C2orf49: variants seen among roughly 807,000 people sequenced by gnomAD.
The protein encoded by C2orf49 is tRNA splicing ligase complex subunit 2.
In C2orf49, 11 loss-of-function variants were observed where a neutral mutation model predicts 20.6. The observed-to-expected ratio is 0.53, with a 90% CI of 0.34 to 0.88. The LOEUF (loss-of-function observed/expected upper bound fraction) is 0.88, where lower values mean the gene tolerates loss of function less well. Among genes scored for constraint, C2orf49 ranks in the 40% least tolerant of loss-of-function variants. The pLI, the probability that C2orf49 is intolerant of heterozygous loss-of-function variation, is 0.02. For missense variants in C2orf49, 289 were observed against 274.2 expected (o/e 1.05, Z -0.38); for synonymous variants, 134 against 108.5 (o/e 1.24, Z -1.46).
chr2:105,346,907 T>C lies in C2orf49; in HGVS notation c.*1536T>C, dbSNP rs1160304155. ...CTAGTTTCTACTGTTCTGCTATGTG[T>C]TTCTAAGCAAGAGCAAAGGATACTT... is the stretch of plus-strand genomic sequence containing the variant. On this transcript the variant is annotated 3_prime_UTR_variant, in exon 4 of 4. Coordinates refer to ENST00000258457, the MANE Select transcript of C2orf49 (RefSeq NM_024093.3). 6.6e-6 allele frequency: 1 copy of C among 152,246 alleles called. No individual in the cohort carries two copies. Among genetic ancestry groups the C allele is most frequent in the Non-Finnish European group, 1.5e-5 (1 of 68,036 alleles). 9.4% of individuals were successfully genotyped at this position (152,246 alleles called of 1,614,324 possible).
At chr2:105,367,816 C>G in the C2orf49 span, 1 of 1,448,592 alleles carries the variant, frequency 6.9e-7, no homozygotes, top group Non-Finnish European at 9.4e-7. Flanking sequence ...GCCTTCAGAG[C>G]TTGCTGCCCT....
In C2orf49 at chr2:105,345,524, CCTT is replaced by C. The variant is rs1374198957; in HGVS notation, c.*158_*160del. 2.7e-5 allele frequency: 18 copies of C among 655,984 alleles called. No homozygotes were observed. The East Asian group carries it at 3.9e-4, about 14-fold the overall frequency. 40.6% of individuals were successfully genotyped at this position (655,984 alleles called of 1,614,324 possible). A position where few individuals can be genotyped will look rare whatever the true frequency, so the allele number is the denominator to read the frequency against. On this transcript the variant is annotated 3_prime_UTR_variant, in exon 4 of 4. Coordinates refer to ENST00000258457, the MANE Select transcript of C2orf49 (RefSeq NM_024093.3). ...AAAAATAAAGGATTTATTTTCCTTC[CCTT>C]CTTCCCTCCCTCCCTTCCTTTTTTA... is the stretch of plus-strand genomic sequence containing the variant.
In C2orf49 at chr2:105,339,485, G is replaced by T; in HGVS notation, c.100-98G>T. ...TTGTGAAAATGGCTTTTTATAATTT[G>T]TTATTTAAGCAGTAATGTTTTACCA... On this transcript the variant is annotated intron_variant, in intron 1 of 3. Coordinates refer to ENST00000258457, the MANE Select transcript of C2orf49 (RefSeq NM_024093.3). 3 of 1,171,882 alleles carry T rather than the reference G, an allele frequency of 2.6e-6. No individual in the cohort carries two copies. In the South Asian group the frequency reaches 4.4e-5, roughly 17 times the overall value. 72.6% of individuals were successfully genotyped at this position (1,171,882 alleles called of 1,614,324 possible). A position where few individuals can be genotyped will look rare whatever the true frequency, so the allele number is the denominator to read the frequency against.
the C2orf49 span, chr2:105,378,612 T>C: frequency 6.3e-6 from 1 of 159,820 alleles, no homozygotes; most frequent in East Asian, 1.8e-4. Context: ...TGCCCAGGGC[T>C]GCGTTATCTC....
the C2orf49 span, among the ~76,000 whole-genome samples, chr2:105,363,992 C>G: frequency 6.6e-6 from 1 of 152,166 alleles, no homozygotes; most frequent in East Asian, 1.9e-4. Context: ...GCTGGTGGCT[C>G]ACACCTGTAA....
chr2:105,380,599 G>C, the C2orf49 span, among the ~76,000 whole-genome samples: 2 of 152,154 alleles, frequency 1.3e-5, no homozygotes, highest in African/African-American at 4.8e-5. Flanking sequence ...CATGCCGGTA[G>C]CTTAATTTTG....
chr2:105,360,169 T>G, the C2orf49 span: 1 of 151,794 alleles, frequency 6.6e-6, no homozygotes, highest in Non-Finnish European at 1.5e-5. Flanking sequence ...GGCATAATGG[T>G]GGGTGCCTGT....
At chr2:105,382,945 G>A in the C2orf49 span, among the ~76,000 whole-genome samples, 1 of 152,130 alleles carries the variant, frequency 6.6e-6, no homozygotes, top group East Asian at 1.9e-4. Flanking sequence ...GAGTACAGTG[G>A]CGCAATCTTG....
the C2orf49 span, among the ~76,000 whole-genome samples, chr2:105,355,800 G>A: frequency 6.6e-6 from 1 of 151,712 alleles, no homozygotes; most frequent in South Asian, 2.1e-4. Flanking sequence ...GTGTGTGTGT[G>A]TGTGTGTGTG....
chr2:105,361,212 T>C, the C2orf49 span: 7 of 1,501,670 alleles, frequency 4.7e-6, no homozygotes, highest in Non-Finnish European at 5.4e-6. Context: ...GAAGGCAAGA[T>C]TGCCTGGGTG....
chr2:105,338,559 T>C (rs893669144), intron 1 of C2orf49, among the ~76,000 whole-genome samples: 8 of 152,212 alleles, frequency 5.3e-5, no homozygotes, highest in African/African-American at 1.7e-4. Flanking sequence ...AGCTTGTTGC[T>C]GGCCCAGAAA....
the C2orf49 span, chr2:105,360,506 A>AG: frequency 6.6e-6 from 1 of 152,042 alleles, no homozygotes; most frequent in African/African-American, 2.4e-5. Context: ...ACAGGCGCTC[A>AG]CCACCACACC....
intron 3 of C2orf49, among the ~76,000 whole-genome samples, chr2:105,344,767 G>A (rs1250820234): frequency 6.7e-6 from 1 of 148,578 alleles, no homozygotes; most frequent in Non-Finnish European, 1.5e-5. Context: ...TTTTATTTTT[G>A]TAGAGACAGG....
At chr2:105,374,968 A>G in the C2orf49 span, among the ~76,000 whole-genome samples, 8 of 152,306 alleles carry the variant, frequency 5.3e-5, no homozygotes, top group African/African-American at 1.9e-4. Context: ...ATGGCCCTGA[A>G]GAAGAGCCTG....
At position 105,345,382 on chromosome 2, in the gene C2orf49, C is replaced by G; in HGVS notation, c.*11C>G. 3 of 1,605,114 alleles carry G rather than the reference C, an allele frequency of 1.9e-6. No individual in the cohort carries two copies. Among genetic ancestry groups the G allele is most frequent in the Non-Finnish European group, 2.6e-6 (3 of 1,173,854 alleles). Reference sequence around the variant, plus strand: ...GTTACTTGGCCCTGAAGAAAAGTTTCCAAAAATGTAAATATACTGTAACTG... The same window carrying G: ...GTTACTTGGCCCTGAAGAAAAGTTTGCAAAAATGTAAATATACTGTAACTG... On this transcript the variant is annotated 3_prime_UTR_variant, in exon 4 of 4. Coordinates refer to ENST00000258457, the MANE Select transcript of C2orf49 (RefSeq NM_024093.3).
At chr2:105,374,064 A>G in the C2orf49 span, 14 of 344,708 alleles carry the variant, frequency 4.1e-5, no homozygotes, top group South Asian at 3.0e-4. Flanking sequence ...ACACCTATCA[A>G]TTCGTCTCAC....
At chr2:105,355,537 G>A in the C2orf49 span, among the ~76,000 whole-genome samples, 3 of 149,288 alleles carry the variant, frequency 2.0e-5, no homozygotes, top group African/African-American at 7.3e-5. Context: ...ACATCAGGCA[G>A]TAGAGACTGA....
chr2:105,372,458 C>A, the C2orf49 span, among the ~76,000 whole-genome samples: 6 of 152,090 alleles, frequency 3.9e-5, no homozygotes, highest in African/African-American at 9.7e-5. Flanking sequence ...AACTCCTGAC[C>A]TCGTGATCCG....
At chr2:105,360,128 C>G in the C2orf49 span, 2 of 151,990 alleles carry the variant, frequency 1.3e-5, 1 homozygote, top group Non-Finnish European at 2.9e-5. Context: ...TGGTGAAACC[C>G]CATCTCTACT....
Sources: allele counts gnomAD v4.1 joint callset (sites outside exome capture counted in the v4.1 genomes callset), GRCh38; gene constraint gnomAD v4.1.1; transcripts MANE v1.5; gene names NCBI Gene and HGNC (gene_info 2026-07-23, HGNC 2026-07-21).